Variants in DST observed in about 807,000 individuals in gnomAD.
DST encodes bullous pemphigoid antigen.
In DST, 253 loss-of-function variants were observed where a neutral mutation model predicts 875.2. The ratio of observed to expected loss-of-function variants is 0.29; its 90% CI spans 0.26 to 0.32. The LOEUF is 0.32. Among genes scored for constraint, DST ranks in the 10% least tolerant of loss-of-function variants. The pLI is 1.00. For missense variants in DST, 8,287 were observed against 9,111.6 expected, an observed-to-expected ratio of 0.91 and a Z score of 3.68; for synonymous variants, 3,124 against 3,197.1, an observed-to-expected ratio of 0.98 and a Z score of 0.77.
rs139774733 is a variant in DST at position 56,661,254 on chromosome 6, T to C, written c.1214+9387A>G. On this transcript the variant is annotated intron_variant, in intron 10 of 103. Transcript: ENST00000680361. ...GATAATGTGAATAATCAAGTCAAAA[T>C]ACAAGAAGTGTTAAAACAAATAGAT... Among the ~76,000 whole-genome samples the C allele has an allele frequency of 5.3e-3, 800 of 152,164 alleles. 6 individuals are homozygous for C. The highest frequency in any genetic ancestry group is 0.018 in the African/African-American group (756 of 41,484).
intron 4 of DST, among the ~76,000 whole-genome samples, chr6:56,748,200 T>C (rs2099577931): frequency 2.0e-5 from 3 of 152,172 alleles, no homozygotes; most frequent in South Asian, 4.1e-4. Flanking sequence ...TTCCTATATA[T>C]GGTTTCATAT....
intron 49 of DST, 38 bp from the exon 50 acceptor site, chr6:56,578,975 A>C: frequency 6.7e-7 from 1 of 1,482,766 alleles, no homozygotes; most frequent in Non-Finnish European, 9.0e-7. Context: ...ACTCAGCAGG[A>C]CTAAATAATA....
At chr6:56,465,588 C>A (rs1430394879) in intron 99 of DST, among the ~76,000 whole-genome samples, 1 of 152,048 alleles carries the variant, frequency 6.6e-6, no homozygotes, top group Non-Finnish European at 1.5e-5. Context: ...TCTGCAACTT[C>A]AAAGAGTCAA....
In DST at chr6:56,526,391, C is replaced by T; in HGVS notation, c.18099G>A (p.Glu6033=). 2 of 1,613,820 alleles carry T rather than the reference C, an allele frequency of 1.2e-6. No homozygotes were observed. Among genetic ancestry groups the T allele is most frequent in the East Asian group, 2.2e-5 (1 of 44,880 alleles). ...GTGATCGCAGAATGGCTGCATCGATCTCCTCCACCTTCTGAGTGATGGTGT... is the reference window on the plus strand; with the variant it reads ...GTGATCGCAGAATGGCTGCATCGATTTCCTCCACCTTCTGAGTGATGGTGT... The part of the protein sequence containing the change: ...VSDTITQKVE[E]IDAAILRSQQ... Residue 6033 remains glutamate (E), a synonymous_variant, in exon 69 of 104, where the codon GAG becomes GAA. Coordinates refer to ENST00000680361, the MANE Select transcript of DST (RefSeq NM_001374736.1).
chr6:56,779,863 T>C (rs2099688683), intron 4 of DST, among the ~76,000 whole-genome samples: 1 of 142,810 alleles, frequency 7.0e-6, no homozygotes, highest in Non-Finnish European at 1.5e-5. Context: ...CTCCTAATGC[T>C]ATCCCTCCCC....
At chr6:56,723,979 C>T (rs886718992) in intron 5 of DST, among the ~76,000 whole-genome samples, 2 of 152,112 alleles carry the variant, frequency 1.3e-5, no homozygotes, top group African/African-American at 4.8e-5. Context: ...GTTTCCCTTC[C>T]AAAAAACATG....
intron 2 of DST, among the ~76,000 whole-genome samples, chr6:56,939,778 A>C (rs559832877): frequency 8.5e-5 from 13 of 152,226 alleles, no homozygotes; most frequent in African/African-American, 3.1e-4. Flanking sequence ...TAATCCCAGC[A>C]CTTTGGGAGG....
intron 5 of DST, among the ~76,000 whole-genome samples, chr6:56,729,282 T>A (rs1419084726): frequency 6.6e-6 from 1 of 152,182 alleles, no homozygotes; most frequent in African/African-American, 2.4e-5. Context: ...CTTTATAAAG[T>A]TGATGCTTCA....
intron 4 of DST, among the ~76,000 whole-genome samples, chr6:56,762,876 G>A (rs992183202): frequency 4.3e-5 from 5 of 117,380 alleles, no homozygotes; most frequent in African/African-American, 1.7e-4. Flanking sequence ...TTGAGACAGA[G>A]TTTCACTCTT....
chr6:56,900,289 C>T (rs539639537), intron 3 of DST, 132 bp downstream of exon 3: 56 of 687,288 alleles, frequency 8.1e-5, no homozygotes, highest in South Asian at 3.2e-4. Flanking sequence ...CATATGAGTA[C>T]GCTGCCACTT....
At chr6:56,517,359 A>T in intron 70 of DST, 54 bp from the exon 71 acceptor site, 1 of 1,586,694 alleles carries the variant, frequency 6.3e-7, no homozygotes, top group Non-Finnish European at 8.6e-7. Context: ...GTATGACTAA[A>T]ATGAAAACAA....
Position 56,472,044 on chromosome 6 carries a change from T to C in DST, c.22158+15A>G. 6.2e-7 allele frequency: 1 copy of C among 1,613,238 alleles called. No individual in the cohort carries two copies. Among genetic ancestry groups the C allele is most frequent in the Non-Finnish European group, 8.5e-7 (1 of 1,179,218 alleles). ...GCAAATGACAATGTGGTGTTGAGGG[T>C]ATGAATTTCCAAACCTCCTCTAGTC... is the stretch of plus-strand genomic sequence containing the variant. On this transcript the variant is annotated intron_variant, in intron 94 of 103. Transcript: ENST00000680361.
At chr6:56,870,099 G>T (rs575221994) in intron 3 of DST, among the ~76,000 whole-genome samples, 2 of 152,150 alleles carry the variant, frequency 1.3e-5, no homozygotes, top group South Asian at 4.2e-4. Context: ...AGTCAAAAAT[G>T]AGCTCGTGGT....
At chr6:56,518,997 G>C (rs1189984473) in intron 69 of DST, among the ~76,000 whole-genome samples, 1 of 152,114 alleles carries the variant, frequency 6.6e-6, no homozygotes, top group East Asian at 1.9e-4. Flanking sequence ...GTTCTTCGTG[G>C]TAAGTACACC....
chr6:56,749,683 G>A (rs2099581955), intron 4 of DST, among the ~76,000 whole-genome samples: 1 of 152,082 alleles, frequency 6.6e-6, no homozygotes, highest in Non-Finnish European at 1.5e-5. Flanking sequence ...TAAGGCAATG[G>A]AAATTACAGG....
rs908490071 is a variant in DST, at chr6:56,684,069, C to T, written c.1048-13262G>A. On this transcript the variant is annotated intron_variant, in intron 9 of 103. Coordinates refer to ENST00000680361, the MANE Select transcript of DST (RefSeq NM_001374736.1). Reference sequence around the variant, plus strand: ...GCTAAATGAATTGCAACAGCCTCACCCATGTTAGTCAGCTGAATCTGTAAA... The same window carrying T: ...GCTAAATGAATTGCAACAGCCTCACTCATGTTAGTCAGCTGAATCTGTAAA... 3.3e-5 allele frequency among the ~76,000 whole-genome samples: 5 copies of T among 152,160 alleles called. 1 individual carries two copies. The highest frequency in any genetic ancestry group is 7.3e-5 in the Non-Finnish European group (5 of 68,032).
At chr6:56,794,394 T>C (rs2099736248) in intron 4 of DST, among the ~76,000 whole-genome samples, 1 of 152,146 alleles carries the variant, frequency 6.6e-6, no homozygotes, top group South Asian at 2.1e-4. Flanking sequence ...TTAGGGTACA[T>C]ACTTACCAAC....
Position 56,607,425 on chromosome 6 carries a change from A to C in DST, c.7203T>G (p.Pro2401=). The change falls in exon 40 of 104, where the codon CCT becomes CCG. Residue 2401 remains proline (P), a synonymous_variant. Coordinates refer to ENST00000680361, the MANE Select transcript of DST (RefSeq NM_001374736.1). ...ATTTACTCATTTTTGATTTCATAAT[A>C]GGATTTTCTATTAAATCACTTGGAA... ...QNFPSDLIEN[P]IMKSKMSKFC... 1 of 1,610,454 alleles carries C rather than the reference A, an allele frequency of 6.2e-7. No individual in the cohort carries two copies. Among genetic ancestry groups the C allele is most frequent in the South Asian group, 1.1e-5 (1 of 90,814 alleles).
rs749025061 is a variant in DST at position 56,606,400 on chromosome 6, T to A, written c.8228A>T (p.Asp2743Val). 1.2e-6 allele frequency: 2 copies of A among 1,613,402 alleles called. No homozygotes were observed. The highest frequency in any genetic ancestry group is 2.2e-5 in the South Asian group (2 of 91,068). ...LEGDESDSLT[D>V]YDIVGGKESF... ...CTCTTTTCCTCCTACAATATCATAA[T>A]CAGTCAATGAGTCAGATTCATCACC... Residue 2743 changes from aspartate to valine, a missense_variant, in exon 40 of 104, where the codon GAT (aspartate) becomes GTT (valine). Physicochemically the swap from Asp to Val is radical, Grantham distance 152 (BLOSUM62 -3). Around this residue, in one of 10 missense-constraint regions of DST, gnomAD observed 3,138 missense variants for 3,116.6 expected, o/e 1.01. Transcript: ENST00000680361.
Sources: allele counts gnomAD v4.1 joint callset (sites outside exome capture counted in the v4.1 genomes callset), GRCh38; gene constraint gnomAD v4.1.1; regional missense constraint gnomAD v4.1.1; transcripts MANE v1.5; gene names NCBI Gene and HGNC (gene_info 2026-07-23, HGNC 2026-07-21).